LUZP1: variants seen among roughly 807,000 people sequenced by gnomAD.
LUZP1 encodes the protein filamin mechanobinding actin cross-linking protein.
Under a neutral mutation model 71.3 loss-of-function variants are expected in LUZP1, and 25 were observed. The observed-to-expected ratio is 0.35, with a 90% confidence interval of 0.26 to 0.49. The LOEUF is 0.49. Among genes scored for constraint, LUZP1 ranks in the 20% least tolerant of loss-of-function variants. The probability of loss-of-function intolerance (pLI) is 0.99; values close to 1 mark genes in which losing one functional copy is unlikely to be tolerated. For synonymous variants in LUZP1, 481 were observed against 506.4 expected, an observed-to-expected ratio of 0.95 and a Z score of 0.67; for missense variants, 1,142 against 1,300.8, an observed-to-expected ratio of 0.88 and a Z score of 1.88.
At chr1:23,113,591 T>TC (rs1273756286) in intron 2 of LUZP1, among the ~76,000 whole-genome samples, 2 of 148,956 alleles carry the variant, frequency 1.3e-5, no homozygotes, top group Non-Finnish European at 3.0e-5. Context: ...TAAAAGAAAA[T>TC]ATGCTCAAGG....
At chr1:23,151,482 C>G (rs1462433173) in intron 2 of LUZP1, among the ~76,000 whole-genome samples, 1 of 152,182 alleles carries the variant, frequency 6.6e-6, no homozygotes, top group East Asian at 1.9e-4. Context: ...ACTCTTTATT[C>G]CTGTTCTTAT....
chr1:23,090,614 C>T, intron 4 of LUZP1: 1 of 544,862 alleles, frequency 1.8e-6, no homozygotes, highest in Non-Finnish European at 3.3e-6. Flanking sequence ...ATGAGACAGA[C>T]AGCTGTCTGG....
At chr1:23,156,055 T>C (rs1644418676) in intron 2 of LUZP1, among the ~76,000 whole-genome samples, 1 of 152,216 alleles carries the variant, frequency 6.6e-6, no homozygotes, top group Non-Finnish European at 1.5e-5. Context: ...CATTTTTCTA[T>C]TTGAGTTCTT....
At chr1:23,125,295 C>G (rs1396930905) in intron 2 of LUZP1, among the ~76,000 whole-genome samples, 1 of 152,156 alleles carries the variant, frequency 6.6e-6, no homozygotes, top group Non-Finnish European at 1.5e-5. Context: ...ATGGCTGCGA[C>G]CCCTGTAAGG....
At chr1:23,165,142 A>C (rs1299944070) in intron 2 of LUZP1, among the ~76,000 whole-genome samples, 1 of 152,176 alleles carries the variant, frequency 6.6e-6, no homozygotes, top group Non-Finnish European at 1.5e-5. Context: ...TAACACTCTA[A>C]TATTCATTCT....
chr1:23,146,298 G>A (rs1460444641), intron 2 of LUZP1, among the ~76,000 whole-genome samples: 1 of 152,152 alleles, frequency 6.6e-6, no homozygotes, highest in African/African-American at 2.4e-5. Context: ...TTACAGGCGT[G>A]AGCCACCACG....
In LUZP1 at chr1:23,093,071, A is replaced by T. The variant is rs1643872520; in HGVS notation, c.1191T>A (p.His397Gln). Residue 397 changes from histidine to glutamine, a missense_variant, in exon 4 of 5, where the codon CAT becomes CAA. Transcript: ENST00000302291. The surrounding 1 kb of genome is among the most constrained non-coding windows in gnomAD (Gnocchi z 4.2). ...CCCTGTTCCGGAGTCGTTCCCGCTTATGCTGAGGAGACAGTTCCCGCGCTG... is the reference window on the plus strand; with the variant it reads ...CCCTGTTCCGGAGTCGTTCCCGCTTTTGCTGAGGAGACAGTTCCCGCGCTG... 6.2e-7 allele frequency: 1 copy of T among 1,614,164 alleles called. No individual in the cohort carries two copies. The highest frequency in any genetic ancestry group is 1.3e-5 in the African/African-American group (1 of 75,056).
At chr1:23,107,804 G>A (rs924564736) in intron 3 of LUZP1, among the ~76,000 whole-genome samples, 12 of 152,096 alleles carry the variant, frequency 7.9e-5, no homozygotes, top group Admixed American at 3.9e-4. Flanking sequence ...GCAAGACTAC[G>A]CCTTGCAAAA....
At chr1:23,139,018 AAATATATATAT>A (rs1277976304) in intron 2 of LUZP1, among the ~76,000 whole-genome samples, 1 of 96,780 alleles carries the variant, frequency 1.0e-5, no homozygotes, top group Non-Finnish European at 1.9e-5. Flanking sequence ...AAAAAAAAAA[AAATATATATAT>A]ATATATATAT....
chr1:23,165,272 T>C (rs1163095030), intron 2 of LUZP1, among the ~76,000 whole-genome samples: 5 of 151,724 alleles, frequency 3.3e-5, no homozygotes, highest in Non-Finnish European at 7.4e-5. Flanking sequence ...GTGGTAATTA[T>C]ACAACTGTAT....
chr1:23,116,106 T>A (rs1029465805), intron 2 of LUZP1, among the ~76,000 whole-genome samples: 6 of 151,308 alleles, frequency 4.0e-5, no homozygotes, highest in African/African-American at 1.5e-4. Flanking sequence ...CCAGGCCAGG[T>A]GCAGTGACTC....
intron 3 of LUZP1, among the ~76,000 whole-genome samples, chr1:23,101,551 A>G (rs909703405): frequency 2.6e-5 from 4 of 152,250 alleles, no homozygotes; most frequent in Non-Finnish European, 4.4e-5. Flanking sequence ...ACACTATGCA[A>G]TAAAGTTAGC....
chr1:23,119,998 G>A (rs1644117900), intron 2 of LUZP1, among the ~76,000 whole-genome samples: 1 of 151,756 alleles, frequency 6.6e-6, no homozygotes, highest in Admixed American at 6.6e-5. Flanking sequence ...CTGGAGTGCG[G>A]TGGAGCAATC....
intron 3 of LUZP1, among the ~76,000 whole-genome samples, chr1:23,099,880 C>T (rs1241631364): frequency 6.6e-6 from 1 of 152,182 alleles, no homozygotes; most frequent in Non-Finnish European, 1.5e-5. Flanking sequence ...CACCCAAAGC[C>T]CTTCATGATG....
chr1:23,084,387 C>CCAT (rs1225934090), exon 5 of LUZP1: 2 of 152,108 alleles, frequency 1.3e-5, no homozygotes, highest in African/African-American at 4.8e-5. Context: ...GTTTCTGCTT[C>CCAT]CATCATCACA....
intron 2 of LUZP1, among the ~76,000 whole-genome samples, chr1:23,168,248 A>G (rs1218203615): frequency 7.2e-6 from 1 of 138,992 alleles, no homozygotes; most frequent in South Asian, 2.3e-4. Flanking sequence ...CTGCTGCTGC[A>G]GCTCCCGGGC....
chr1:23,131,747 G>A (rs1195103804), intron 2 of LUZP1, among the ~76,000 whole-genome samples: 1 of 152,072 alleles, frequency 6.6e-6, no homozygotes, highest in African/African-American at 2.4e-5. Flanking sequence ...GTACAGTGGC[G>A]TGATCTCGGC....
intron 2 of LUZP1, among the ~76,000 whole-genome samples, chr1:23,138,193 C>T (rs921850027): frequency 2.0e-5 from 3 of 152,018 alleles, no homozygotes; most frequent in Non-Finnish European, 2.9e-5. Flanking sequence ...AGGCTGGTCT[C>T]GAACTCCTGA....
chr1:23,110,361 G>C (rs1405264125), intron 2 of LUZP1, among the ~76,000 whole-genome samples: 1 of 152,154 alleles, frequency 6.6e-6, no homozygotes, highest in Admixed American at 6.5e-5. Flanking sequence ...ACTACAGATG[G>C]AAGATCTGGG....
Sources: allele counts gnomAD v4.1 joint callset (sites outside exome capture counted in the v4.1 genomes callset), GRCh38; gene constraint gnomAD v4.1.1; non-coding constraint Gnocchi (gnomAD v3.1); transcripts MANE v1.5; gene names NCBI Gene and HGNC (gene_info 2026-07-23, HGNC 2026-07-21).